IL16: variants seen among roughly 807,000 people sequenced by gnomAD.
IL16 encodes the protein pro-interleukin-16.
In IL16, 67 loss-of-function variants were observed where a neutral mutation model predicts 110.1. The ratio of observed to expected loss-of-function variants is 0.61; its 90% CI spans 0.50 to 0.75. The LOEUF (loss-of-function observed/expected upper bound fraction) is 0.75. IL16 is among the 30% of genes least tolerant of loss of function. IL16 has a pLI of 0.00. For synonymous variants in IL16, 689 were observed against 662.9 expected, an observed-to-expected ratio of 1.04 and a Z score of -0.61; for missense variants, 1,545 against 1,655.0, an observed-to-expected ratio of 0.93 and a Z score of 1.15.
chr15:81,268,619 C>T (rs948878007), intron 4 of IL16, among the ~76,000 whole-genome samples: 21 of 152,284 alleles, frequency 1.4e-4, no homozygotes, highest in Admixed American at 3.9e-4. Context: ...AAGCAGCTAC[C>T]TCCACATTCA....
intron 6 of IL16, among the ~76,000 whole-genome samples, chr15:81,275,366 GGAGGGGAGGGGA>G (rs1245558693): frequency 0.082 from 4,536 of 55,262 alleles, 303 homozygotes; most frequent in Non-Finnish European, 0.11. Context: ...AGGAGGGGGG[GGAGGGGAGGGGA>G]GGGGAGGGGA....
At chr15:81,276,215 G>A (rs1037876714) in intron 6 of IL16, among the ~76,000 whole-genome samples, 4 of 152,130 alleles carry the variant, frequency 2.6e-5, no homozygotes, top group African/African-American at 4.8e-5. Flanking sequence ...CCTAACAGAC[G>A]GAACTGATCT....
At chr15:81,261,660 C>G (rs1030302711) in intron 3 of IL16, among the ~76,000 whole-genome samples, 2 of 152,126 alleles carry the variant, frequency 1.3e-5, no homozygotes, top group African/African-American at 4.8e-5. Context: ...ATTTTTCTAA[C>G]CCGGCCCACC....
intron 1 of IL16, among the ~76,000 whole-genome samples, chr15:81,199,060 T>TATATAA (rs1305489471): frequency 7.1e-6 from 1 of 140,704 alleles, no homozygotes; most frequent in African/African-American, 2.6e-5. Flanking sequence ...TATATATATA[T>TATATAA]AAAATACATA....
intron 6 of IL16, among the ~76,000 whole-genome samples, chr15:81,274,201 G>T (rs1898790227): frequency 6.6e-6 from 1 of 152,198 alleles, no homozygotes; most frequent in South Asian, 2.1e-4. Flanking sequence ...GGGCAGGGTA[G>T]GCACACTACA....
intron 1 of IL16, among the ~76,000 whole-genome samples, chr15:81,199,338 G>A (rs182655913): frequency 6.1e-4 from 93 of 152,242 alleles, no homozygotes; most frequent in Non-Finnish European, 1.1e-3. Flanking sequence ...AGACAGTGTT[G>A]CTCAGTGTGT....
In IL16 at chr15:81,233,327, C is replaced by A. The variant is rs535295256; in HGVS notation, c.312+7616C>A. 1.6e-4 allele frequency among the ~76,000 whole-genome samples: 24 copies of A among 152,102 alleles called. No individual in the cohort carries two copies. The South Asian group carries it at 5.0e-3, about 32-fold the overall frequency. On this transcript the variant is annotated intron_variant, in intron 2 of 18. Transcript: ENST00000683961. ...TATTGATTTTGATGCAAACCATTAA[C>A]GTTACTCACATTTTCTCAGCTTTAC...
intron 2 of IL16, among the ~76,000 whole-genome samples, chr15:81,247,173 T>A (rs1897592497): frequency 6.9e-6 from 1 of 145,490 alleles, no homozygotes; most frequent in East Asian, 2.1e-4. Context: ...TTTTGTCAAC[T>A]CCCCTATTAT....
At chr15:81,252,602 A>G (rs1897804442) in intron 2 of IL16, among the ~76,000 whole-genome samples, 1 of 152,072 alleles carries the variant, frequency 6.6e-6, no homozygotes. Context: ...TGTCCCCCGA[A>G]AAAGAAACCT....
intron 1 of IL16, among the ~76,000 whole-genome samples, chr15:81,222,605 C>T (rs1029141358): frequency 2.0e-5 from 3 of 151,910 alleles, no homozygotes; most frequent in Admixed American, 6.6e-5. Flanking sequence ...TCTACATGGT[C>T]GCCCTCAGCA....
chr15:81,310,968 A>G lies in IL16; in HGVS notation c.*2170A>G, dbSNP rs1413675176. The G allele has an allele frequency of 1.3e-5, 2 of 152,264 alleles. No homozygotes were observed. The highest frequency in any genetic ancestry group is 2.1e-4 in the South Asian group (1 of 4,830). The allele number at this position is 152,264 out of a possible 1,614,324, so 9.4% of individuals were successfully genotyped here. A position where few individuals can be genotyped will look rare whatever the true frequency, so the allele number is the denominator to read the frequency against. The stretch of plus-strand genomic sequence containing the variant: ...GTTTTAGAAGGTTCTCTCCTCCCCA[A>G]GGAGACACAACAACTCCTAGGGCCA... On this transcript the variant is annotated 3_prime_UTR_variant, in exon 19 of 19. Transcript: ENST00000683961.
At chr15:81,206,007 A>G (rs1359688144) in intron 1 of IL16, among the ~76,000 whole-genome samples, 1 of 152,246 alleles carries the variant, frequency 6.6e-6, no homozygotes, top group Non-Finnish European at 1.5e-5. Context: ...CGAAATATGT[A>G]AAACAAAAAA....
intron 2 of IL16, among the ~76,000 whole-genome samples, chr15:81,247,527 A>T (rs1256840495): frequency 6.6e-6 from 1 of 152,200 alleles, no homozygotes; most frequent in African/African-American, 2.4e-5. Context: ...CTACATATTC[A>T]CAAGAAGTTG....
At chr15:81,231,170 CATAAT>C (rs1896957036) in intron 2 of IL16, among the ~76,000 whole-genome samples, 2 of 151,752 alleles carry the variant, frequency 1.3e-5, no homozygotes, top group East Asian at 1.9e-4. Context: ...AACAATATAA[CATAAT>C]ATAACAATAA....
intron 15 of IL16, chr15:81,302,016 CAT>C (rs1245577421): frequency 6.5e-6 from 1 of 153,660 alleles, no homozygotes; most frequent in African/African-American, 2.4e-5. Flanking sequence ...TCTCACTTCC[CAT>C]ATGTTTTCTG....
At chr15:81,282,195 T>C (rs1455791340) in intron 8 of IL16, among the ~76,000 whole-genome samples, 1 of 152,216 alleles carries the variant, frequency 6.6e-6, no homozygotes, top group Non-Finnish European at 1.5e-5. Context: ...CCTGGGGCCT[T>C]TGCGTTGGCT....
chr15:81,253,005 C>A (rs1463898392), intron 2 of IL16, among the ~76,000 whole-genome samples: 3 of 152,118 alleles, frequency 2.0e-5, no homozygotes, highest in Non-Finnish European at 4.4e-5. Flanking sequence ...AATGGAACTG[C>A]TGCATCATAT....
intron 2 of IL16, among the ~76,000 whole-genome samples, chr15:81,258,198 C>CCTATACCCAA (rs1898017810): frequency 6.6e-6 from 1 of 152,098 alleles, no homozygotes. Flanking sequence ...AGTCTCTATC[C>CCTATACCCAA]CTATACCCAT....
In IL16 at chr15:81,300,203, G is replaced by T; in HGVS notation, c.2877G>T (p.Met959Ile). The T allele has an allele frequency of 6.2e-7, 1 of 1,614,216 alleles. No homozygotes were observed. The highest frequency in any genetic ancestry group is 8.5e-7 in the Non-Finnish European group (1 of 1,180,052). The part of the protein sequence containing the change: ...AEESQGPVLK[M>I]PSQRARSFPL... Reference sequence around the variant, plus strand: ...AATCTCAAGGCCCAGTGCTCAAGATGCCTAGCCAGCGAGCACGGAGCTTCC... The same window carrying T: ...AATCTCAAGGCCCAGTGCTCAAGATTCCTAGCCAGCGAGCACGGAGCTTCC... The change falls in exon 14 of 19, where the codon ATG (methionine) becomes ATT (isoleucine). Residue 959 changes from methionine (M) to isoleucine (I), a missense_variant. This residue lies in a region of IL16 where 1,185 missense variants were observed against 1,238.8 expected (regional missense o/e 0.96). Coordinates refer to ENST00000683961, the MANE Select transcript of IL16 (RefSeq NM_172217.5).
Sources: gnomAD v4.1 joint callset for allele counts (sites outside exome capture counted in the v4.1 genomes callset) on GRCh38, gnomAD v4.1.1 for gene constraint, gnomAD v4.1.1 regional missense constraint, MANE v1.5 for transcripts, NCBI Gene and HGNC (gene_info 2026-07-23, HGNC 2026-07-21) for gene names.